The following SLC4A4 variants were observed in gnomAD, a reference collection of about 807,000 sequenced individuals.
The protein encoded by SLC4A4 is solute carrier family 4 member 4.
A neutral mutation model predicts 111.5 loss-of-function variants in SLC4A4; 27 were observed. The ratio of observed to expected loss-of-function variants is 0.24; its 90% confidence interval spans 0.18 to 0.33. SLC4A4 has a LOEUF of 0.33. Ranked by LOEUF, SLC4A4 falls within the 10% of genes least tolerant of loss-of-function variation. SLC4A4 has a pLI of 1.00. For missense variants in SLC4A4, 909 were observed against 1,315.5 expected (o/e 0.69, Z 4.78); for synonymous variants, 443 against 463.4 (o/e 0.96, Z 0.57).
chr4:71,510,190 C>G (rs1731789055), intron 16 of SLC4A4, among the ~76,000 whole-genome samples: 1 of 152,066 alleles, frequency 6.6e-6, no homozygotes, highest in African/African-American at 2.4e-5. Context: ...GTCTTTTTGT[C>G]ATAATAATAA....
chr4:71,476,596 G>A (rs1728394306), intron 14 of SLC4A4, among the ~76,000 whole-genome samples: 1 of 151,630 alleles, frequency 6.6e-6, no homozygotes, highest in African/African-American at 2.4e-5. Context: ...TTTTTTATAT[G>A]TGTGTGCTTT....
intron 3 of SLC4A4, among the ~76,000 whole-genome samples, chr4:71,326,267 C>CT (rs1352324518): frequency 6.6e-6 from 1 of 151,858 alleles, no homozygotes; most frequent in Admixed American, 6.6e-5. Context: ...CGTGACAGTC[C>CT]TTTGATACAT....
At chr4:71,172,437 G>A (rs1744971620) in intron 2 of SLC4A4, among the ~76,000 whole-genome samples, 1 of 152,104 alleles carries the variant, frequency 6.6e-6, no homozygotes, top group Admixed American at 6.5e-5. Context: ...TGTATTTTTA[G>A]TAGAGATGGG....
chr4:71,102,384 A>G (rs1742775178), intron 2 of SLC4A4, among the ~76,000 whole-genome samples: 1 of 150,654 alleles, frequency 6.6e-6, no homozygotes, highest in East Asian at 1.9e-4. Flanking sequence ...CAATCTAGCA[A>G]GGCAGGCCAA....
At chr4:71,110,420 G>A (rs534789798) in intron 2 of SLC4A4, among the ~76,000 whole-genome samples, 1 of 152,144 alleles carries the variant, frequency 6.6e-6, no homozygotes, top group South Asian at 2.1e-4. Context: ...TGCTCAGGCT[G>A]GTCTCAAACT....
intron 6 of SLC4A4, among the ~76,000 whole-genome samples, chr4:71,378,659 T>A (rs1717775606): frequency 6.6e-6 from 1 of 152,224 alleles, no homozygotes; most frequent in Admixed American, 6.5e-5. Flanking sequence ...GAAAAGCAAA[T>A]GCAGTATTCC....
chr4:71,264,036 C>G (rs1722060352), intron 3 of SLC4A4, among the ~76,000 whole-genome samples: 1 of 152,072 alleles, frequency 6.6e-6, no homozygotes, highest in Non-Finnish European at 1.5e-5. Flanking sequence ...TTGTTAATTA[C>G]TGAATGTGTC....
chr4:71,183,975 T>C (rs764203333), upstream of SLC4A4, among the ~76,000 whole-genome samples: 1 of 152,182 alleles, frequency 6.6e-6, no homozygotes, highest in Non-Finnish European at 1.5e-5. Context: ...CATCCAACAA[T>C]ATTTTTCACC....
chr4:71,094,751 T>C (rs894047845), intron 2 of SLC4A4, among the ~76,000 whole-genome samples: 4 of 152,170 alleles, frequency 2.6e-5, no homozygotes, highest in African/African-American at 9.7e-5. Flanking sequence ...GCTGGATGTT[T>C]TGTGTTAAAG....
chr4:71,331,428 G>T (rs944998294), intron 3 of SLC4A4, among the ~76,000 whole-genome samples: 6 of 152,150 alleles, frequency 3.9e-5, no homozygotes, highest in Non-Finnish European at 8.8e-5. Flanking sequence ...CATGTCCTTT[G>T]TAGGGACATG....
chr4:71,536,459 TATATAC>T lies in SLC4A4; in HGVS notation c.2442+2077_2442+2082del, dbSNP rs1402327732. On this transcript the variant is annotated intron_variant, in intron 18 of 25. Coordinates refer to ENST00000264485, the MANE Select transcript of SLC4A4 (RefSeq NM_001098484.3). ...ATTTAAGCATATATACATATATACA[TATATAC>T]ATATATATATATATATATATATGTA... Among the ~76,000 whole-genome samples the T allele has an allele frequency of 1.7e-3, 86 of 51,294 alleles. 3 individuals carry two copies. Among genetic ancestry groups the T allele is most frequent in the South Asian group, 0.011 (12 of 1,142 alleles). The allele number at this position is 51,294 out of a possible 152,430, so 33.7% of individuals were successfully genotyped here. A position where few individuals can be genotyped will look rare whatever the true frequency, so the allele number is the denominator to read the frequency against.
intron 1 of SLC4A4, among the ~76,000 whole-genome samples, chr4:71,210,920 G>C (rs1399549896): frequency 6.6e-6 from 1 of 152,168 alleles, no homozygotes; most frequent in East Asian, 1.9e-4. Flanking sequence ...CAGTTATAAA[G>C]ATGAAAAGTG....
chr4:71,433,104 A>C (rs548549466), intron 7 of SLC4A4, among the ~76,000 whole-genome samples: 81 of 152,196 alleles, frequency 5.3e-4, no homozygotes, highest in African/African-American at 1.9e-3. Context: ...TGACTGTGTT[A>C]AGCAGCCTTC....
intron 1 of SLC4A4, among the ~76,000 whole-genome samples, chr4:71,089,441 G>T (rs952621129): frequency 3.3e-5 from 5 of 152,100 alleles, no homozygotes; most frequent in African/African-American, 1.2e-4. Flanking sequence ...TGCTGGTGAG[G>T]AGCTGTGTTC....
rs188546446 is a variant in SLC4A4 at position 71,329,882 on chromosome 4, C to T, written c.254-9488C>T. ...AACTGGTGAAAGTGGGCATCCTTGTCTTGTTTTAGATCTTAGAGGAAAGAC... is the reference window on the plus strand; with the variant it reads ...AACTGGTGAAAGTGGGCATCCTTGTTTTGTTTTAGATCTTAGAGGAAAGAC... On this transcript the variant is annotated intron_variant, in intron 3 of 25. Transcript: ENST00000264485. Among the ~76,000 whole-genome samples, 335 of 152,158 alleles carry T rather than the reference C, an allele frequency of 2.2e-3. 3 individuals carry two copies. The highest frequency in any genetic ancestry group is 0.014 in the Middle Eastern group (4 of 294).
chr4:71,127,636 CATAA>C (rs1481856223), intron 2 of SLC4A4, among the ~76,000 whole-genome samples: 3 of 151,830 alleles, frequency 2.0e-5, no homozygotes, highest in African/African-American at 4.8e-5. Flanking sequence ...GACTTTGTAC[CATAA>C]ATAAAGATAT....
At chr4:71,182,800 C>G (rs1745335523), upstream of SLC4A4, among the ~76,000 whole-genome samples, 1 of 152,076 alleles carries the variant, frequency 6.6e-6, no homozygotes, top group South Asian at 2.1e-4. Flanking sequence ...ATAGAGAAGT[C>G]TAACATAATT....
At chr4:71,554,947 C>G (rs747678707) in intron 20 of SLC4A4, among the ~76,000 whole-genome samples, 193 bp from the exon 21 acceptor site, 1 of 151,378 alleles carries the variant, frequency 6.6e-6, no homozygotes. Flanking sequence ...TCCATTATAC[C>G]CTTCTTCATT....
chr4:71,208,425 C>T lies in SLC4A4; in HGVS notation c.-2+21024C>T, dbSNP rs999531712. ...CAGCCTGGGCGACAGGGTGAGACTCCGTCTCAAAAAAAAAAAAAATATATA... is the reference window on the plus strand; with the variant it reads ...CAGCCTGGGCGACAGGGTGAGACTCTGTCTCAAAAAAAAAAAAAATATATA... On this transcript the variant is annotated intron_variant, in intron 1 of 25. Coordinates refer to ENST00000264485, the MANE Select transcript of SLC4A4 (RefSeq NM_001098484.3). Among the ~76,000 whole-genome samples the T allele has an allele frequency of 1.8e-4, 24 of 129,868 alleles. No homozygotes were observed. In the South Asian group the frequency reaches 5.6e-3, roughly 30 times the overall value. The allele number at this position is 129,868 out of a possible 152,430, so 85.2% of individuals were successfully genotyped here. A position where few individuals can be genotyped will look rare whatever the true frequency, so the allele number is the denominator to read the frequency against.
Sources: allele counts gnomAD v4.1 joint callset (sites outside exome capture counted in the v4.1 genomes callset), GRCh38; gene constraint gnomAD v4.1.1; transcripts MANE v1.5; gene names NCBI Gene and HGNC (gene_info 2026-07-23, HGNC 2026-07-21).